The following TNRC6A variants were observed in gnomAD, a reference collection of about 807,000 sequenced individuals.
TNRC6A encodes trinucleotide repeat containing adaptor 6A, also known as trinucleotide repeat-containing gene 6A protein.
Under a neutral mutation model 221.2 loss-of-function variants are expected in TNRC6A, and 44 were observed. That is an observed-to-expected ratio of 0.20 (90% confidence interval 0.16 to 0.26). The LOEUF is 0.26. Ranked by LOEUF, TNRC6A falls within the 10% of genes least tolerant of loss-of-function variation. The pLI is 1.00. For synonymous variants in TNRC6A, 847 were observed against 838.5 expected (o/e 1.01, Z -0.18); for missense variants, 2,199 against 2,404.4 (o/e 0.91, Z 1.79).
intron 4 of TNRC6A, among the ~76,000 whole-genome samples, chr16:24,762,983 ATTTT>A (rs998384291): frequency 6.7e-6 from 1 of 150,350 alleles, no homozygotes; most frequent in Non-Finnish European, 1.5e-5. Context: ...AAGCGTGTAG[ATTTT>A]TTTTTTTTAA....
intron 2 of TNRC6A, among the ~76,000 whole-genome samples, chr16:24,675,949 A>G (rs189798832): frequency 2.0e-5 from 3 of 150,742 alleles, no homozygotes; most frequent in African/African-American, 7.3e-5. Flanking sequence ...CTCTTTTCCC[A>G]CTTGTCCCAA....
At chr16:24,753,106 A>G (rs1245105135) in intron 3 of TNRC6A, among the ~76,000 whole-genome samples, 1 of 152,224 alleles carries the variant, frequency 6.6e-6, no homozygotes, top group Non-Finnish European at 1.5e-5. Flanking sequence ...ATAAGTGGTC[A>G]CTTATGTGTA....
intron 5 of TNRC6A, among the ~76,000 whole-genome samples, 178 bp downstream of exon 5, chr16:24,777,536 C>G (rs536951523): frequency 2.4e-4 from 36 of 152,002 alleles, no homozygotes; most frequent in Non-Finnish European, 3.4e-4. Flanking sequence ...TGTAAGTTAC[C>G]TACTTTAAAA....
intron 17 of TNRC6A, among the ~76,000 whole-genome samples, chr16:24,807,921 GC>G (rs2058468201): frequency 6.6e-6 from 1 of 152,164 alleles, no homozygotes; most frequent in Non-Finnish European, 1.5e-5. Context: ...GCATGCTGTT[GC>G]CCCTGCTGCT....
chr16:24,696,164 C>T (rs1000595930), intron 2 of TNRC6A, among the ~76,000 whole-genome samples: 3 of 151,834 alleles, frequency 2.0e-5, no homozygotes, highest in South Asian at 2.1e-4. Flanking sequence ...CTGGCTAACA[C>T]GGTGAAACCC....
intron 4 of TNRC6A, among the ~76,000 whole-genome samples, chr16:24,766,245 G>A (rs1352695800): frequency 2.0e-5 from 3 of 152,182 alleles, no homozygotes; most frequent in African/African-American, 7.2e-5. Flanking sequence ...AGCATGAATA[G>A]CTTTCTGAAC....
intron 2 of TNRC6A, among the ~76,000 whole-genome samples, chr16:24,668,204 T>C (rs1444256186): frequency 6.6e-6 from 1 of 151,946 alleles, no homozygotes; most frequent in Non-Finnish European, 1.5e-5. Flanking sequence ...GGCGCATGCC[T>C]GTAATCCCAG....
intron 2 of TNRC6A, among the ~76,000 whole-genome samples, chr16:24,670,538 T>C (rs537596211): frequency 2.0e-5 from 3 of 152,288 alleles, no homozygotes; most frequent in South Asian, 2.1e-4. Flanking sequence ...GTCTTAGTAA[T>C]GTAAAAATCT....
intron 1 of TNRC6A, among the ~76,000 whole-genome samples, chr16:24,624,634 A>G (rs1270072436): frequency 1.3e-5 from 2 of 151,976 alleles, no homozygotes; most frequent in African/African-American, 2.4e-5. Flanking sequence ...ACACATCACC[A>G]CATCTGGCTA....
upstream of TNRC6A, among the ~76,000 whole-genome samples, chr16:24,729,048 T>C (rs534689120): frequency 6.6e-6 from 1 of 152,164 alleles, no homozygotes; most frequent in South Asian, 2.1e-4. Flanking sequence ...AGGTGAAATA[T>C]TTGCAGATAC....
chr16:24,673,481 G>A (rs981518327), intron 2 of TNRC6A, among the ~76,000 whole-genome samples: 1 of 152,214 alleles, frequency 6.6e-6, no homozygotes, highest in Non-Finnish European at 1.5e-5. Context: ...AGATAAGGAA[G>A]TAGATTCTGG....
At chr16:24,649,578 G>A (rs945045755) in intron 2 of TNRC6A, among the ~76,000 whole-genome samples, 12 of 151,996 alleles carry the variant, frequency 7.9e-5, no homozygotes, top group Non-Finnish European at 1.0e-4. Flanking sequence ...CAAAGTGCTG[G>A]GATTACAGGC....
chr16:24,804,890 A>G (rs772508756), intron 13 of TNRC6A, 39 bp downstream of exon 13: 1 of 1,613,412 alleles, frequency 6.2e-7, no homozygotes. Flanking sequence ...CAGTTGAATG[A>G]TTTGTATTAG....
At chr16:24,689,338 G>A (rs1408392712) in intron 2 of TNRC6A, among the ~76,000 whole-genome samples, 1 of 152,196 alleles carries the variant, frequency 6.6e-6, no homozygotes, top group Non-Finnish European at 1.5e-5. Flanking sequence ...CGAGGAAGGT[G>A]GGCAGGATTT....
At chr16:24,649,821 T>C in intron 2 of TNRC6A, among the ~76,000 whole-genome samples, 1 of 131,300 alleles carries the variant, frequency 7.6e-6, no homozygotes, top group African/African-American at 3.0e-5. Flanking sequence ...TCTCTCTTTT[T>C]TTTTTTTTTT....
At chr16:24,645,904 A>AGCTACTT (rs1469407259) in intron 2 of TNRC6A, among the ~76,000 whole-genome samples, 3 of 144,140 alleles carry the variant, frequency 2.1e-5, no homozygotes, top group Non-Finnish European at 4.5e-5. Context: ...CTGTAGTCCC[A>AGCTACTT]GCTACTTGAG....
chr16:24,738,523 C>T (rs1217996851), intron 2 of TNRC6A, among the ~76,000 whole-genome samples: 3 of 152,164 alleles, frequency 2.0e-5, no homozygotes, highest in Admixed American at 6.5e-5. Context: ...TACCTATTTT[C>T]GTTTAAGTGG....
At chr16:24,647,890 C>T (rs1031073229) in intron 2 of TNRC6A, among the ~76,000 whole-genome samples, 1 of 152,016 alleles carries the variant, frequency 6.6e-6, no homozygotes, top group Admixed American at 6.6e-5. Flanking sequence ...GGATTGCAGG[C>T]GTGAGCCACT....
At chr16:24,686,814 A>G (rs2055635632) in intron 2 of TNRC6A, among the ~76,000 whole-genome samples, 1 of 152,068 alleles carries the variant, frequency 6.6e-6, no homozygotes, top group East Asian at 1.9e-4. Flanking sequence ...CTGCGTTTGG[A>G]TTCCCCTCCT....
Sources: allele counts gnomAD v4.1 joint callset (sites outside exome capture counted in the v4.1 genomes callset), GRCh38; gene constraint gnomAD v4.1.1; transcripts MANE v1.5; gene names NCBI Gene and HGNC (gene_info 2026-07-23, HGNC 2026-07-21).